SEM1: variants seen among roughly 807,000 people sequenced by gnomAD.
SEM1 encodes SEM1 26S proteasome subunit, also known as 26S proteasome complex subunit SEM1.
Under a neutral mutation model 12.7 loss-of-function variants are expected in SEM1, and 3 were observed. The ratio of observed to expected loss-of-function variants is 0.24; its 90% confidence interval spans 0.11 to 0.61. The LOEUF is 0.61. Ranked by LOEUF, SEM1 falls within the 20% of genes least tolerant of loss-of-function variation. The pLI, the probability that SEM1 is intolerant of heterozygous loss-of-function variation, is 0.88. For synonymous variants in SEM1, 30 were observed against 27.8 expected (o/e 1.08, Z -0.25); for missense variants, 59 against 81.3 (o/e 0.73, Z 1.06).
Position 96,559,622 on chromosome 7 carries a change from T to C in SEM1, c.171-52924A>G, listed in dbSNP as rs140014896. 2.6e-4 allele frequency among the ~76,000 whole-genome samples: 39 copies of C among 152,356 alleles called. 1 individual carries two copies. The East Asian group carries it at 7.1e-3, about 28-fold the overall frequency. ...TTGTTTTTCTCTCTAAATGGCGTAT[T>C]GTGGACAATCTTTTGTGTTAGTAAA... is the stretch of plus-strand genomic sequence containing the variant. On this transcript the variant is annotated intron_variant and NMD_transcript_variant, in intron 2 of 3. Transcript: ENST00000466986.
At chr7:96,623,115 C>T (rs1300984520) in intron 2 of SEM1, 1 of 152,716 alleles carries the variant, frequency 6.5e-6, no homozygotes, top group Non-Finnish European at 1.5e-5. Context: ...CTGAATAAAA[C>T]AAAAAGCAAA....
chr7:96,549,416 A>T (rs1442843956), intron 2 of SEM1, among the ~76,000 whole-genome samples: 6 of 152,166 alleles, frequency 3.9e-5, no homozygotes, highest in Non-Finnish European at 4.4e-5. Context: ...TCCAATCAAG[A>T]ATGTCCAATA....
chr7:96,608,496 G>T (rs1365999607), intron 2 of SEM1, among the ~76,000 whole-genome samples: 1 of 151,998 alleles, frequency 6.6e-6, no homozygotes, highest in Non-Finnish European at 1.5e-5. Flanking sequence ...TATTTACAAG[G>T]TTGCATAACC....
At chr7:96,636,049 CA>C (rs1197328923) in intron 2 of SEM1, among the ~76,000 whole-genome samples, 6 of 152,078 alleles carry the variant, frequency 3.9e-5, no homozygotes, top group South Asian at 4.2e-4. Flanking sequence ...TTAAAAGAAT[CA>C]ATGTCTTTTT....
At chr7:96,564,819 T>A (rs956521700) in intron 2 of SEM1, among the ~76,000 whole-genome samples, 15 of 152,074 alleles carry the variant, frequency 9.9e-5, no homozygotes, top group Admixed American at 9.2e-4. Context: ...ACAGAAAATA[T>A]TGATAGAAAA....
chr7:96,627,446 A>G (rs1431030855), intron 2 of SEM1, among the ~76,000 whole-genome samples: 1 of 151,922 alleles, frequency 6.6e-6, no homozygotes, highest in Non-Finnish European at 1.5e-5. Context: ...TGTATCTCAT[A>G]GGTTTTGGTA....
At chr7:96,487,322 C>G (rs1584695000) in intron 1 of SEM1, among the ~76,000 whole-genome samples, 1 of 150,108 alleles carries the variant, frequency 6.7e-6, no homozygotes, top group South Asian at 2.1e-4. Context: ...TACTATGAGT[C>G]TGAGGCCAAA....
At chr7:96,515,094 A>G (rs1804047591) in intron 2 of SEM1, among the ~76,000 whole-genome samples, 1 of 152,166 alleles carries the variant, frequency 6.6e-6, no homozygotes, top group Non-Finnish European at 1.5e-5. Flanking sequence ...CCACATAAAT[A>G]TAATCAACTG....
chr7:96,620,253 T>C (rs547060816), downstream of SEM1, among the ~76,000 whole-genome samples: 1 of 152,094 alleles, frequency 6.6e-6, no homozygotes, highest in African/African-American at 2.4e-5. Flanking sequence ...AGTGCAAGTG[T>C]AGTCTACTCA....
At chr7:96,535,571 A>G (rs1362256325) in intron 2 of SEM1, among the ~76,000 whole-genome samples, 2 of 151,788 alleles carry the variant, frequency 1.3e-5, no homozygotes, top group Non-Finnish European at 2.9e-5. Flanking sequence ...CCCAGGCACT[A>G]AGCATAGTGC....
exon 4 of SEM1, chr7:96,483,832 A>G (rs995741923): frequency 1.5e-5 from 23 of 1,536,264 alleles, no homozygotes; most frequent in Middle Eastern, 1.7e-4. Flanking sequence ...ATATGACCAG[A>G]CTTCCATCTC....
intron 3 of SEM1, chr7:96,484,055 T>A: frequency 7.3e-7 from 1 of 1,367,662 alleles, no homozygotes; most frequent in Non-Finnish European, 9.7e-7. Flanking sequence ...CATATTAACT[T>A]ATTCAATCTT....
At chr7:96,564,420 A>T (rs756930389) in intron 2 of SEM1, among the ~76,000 whole-genome samples, 18 of 152,080 alleles carry the variant, frequency 1.2e-4, no homozygotes, top group East Asian at 1.9e-4. Context: ...CCATCCAAAA[A>T]AAAAATAAAA....
chr7:96,642,264 G>A (rs1037894799), intron 2 of SEM1, among the ~76,000 whole-genome samples: 68 of 151,972 alleles, frequency 4.5e-4, no homozygotes, highest in African/African-American at 1.5e-3. Flanking sequence ...GAAGACACCT[G>A]TTTTAAATTC....
chr7:96,497,639 C>T (rs367990435), upstream of SEM1, among the ~76,000 whole-genome samples: 4 of 152,084 alleles, frequency 2.6e-5, no homozygotes, highest in East Asian at 3.9e-4. Flanking sequence ...GATGGAGTAA[C>T]GTGGACTGGA....
chr7:96,567,373 C>T (rs368729842), intron 2 of SEM1, among the ~76,000 whole-genome samples: 1 of 151,532 alleles, frequency 6.6e-6, no homozygotes, highest in African/African-American at 2.4e-5. Context: ...TTCACTTATA[C>T]ATAGGAAAAT....
intron 2 of SEM1, among the ~76,000 whole-genome samples, chr7:96,615,241 CTTTTT>C (rs60940244): frequency 7.9e-6 from 1 of 126,414 alleles, no homozygotes; most frequent in African/African-American, 3.2e-5. Context: ...TTTGAGTCAT[CTTTTT>C]TTTTTTTTTT....
At chr7:96,569,342 A>G (rs1805946820) in intron 2 of SEM1, among the ~76,000 whole-genome samples, 1 of 152,068 alleles carries the variant, frequency 6.6e-6, no homozygotes, top group African/African-American at 2.4e-5. Context: ...TTCCTCAAAT[A>G]ACCAGCATTG....
At chr7:96,566,399 TCA>T (rs1805844124) in intron 2 of SEM1, among the ~76,000 whole-genome samples, 2 of 151,636 alleles carry the variant, frequency 1.3e-5, no homozygotes, top group Admixed American at 1.3e-4. Context: ...TATCTTCATT[TCA>T]TTTAATTGAA....
Sources: allele counts gnomAD v4.1 joint callset (sites outside exome capture counted in the v4.1 genomes callset), GRCh38; gene constraint gnomAD v4.1.1; transcripts MANE v1.5; gene names NCBI Gene and HGNC (gene_info 2026-07-23, HGNC 2026-07-21).